AK4: variants seen among roughly 807,000 people sequenced by gnomAD.
The protein encoded by AK4 is adenylate kinase 4.
In AK4, 13 loss-of-function variants were observed where a neutral mutation model predicts 24.6. That is an observed-to-expected ratio of 0.53 (90% CI 0.34 to 0.84). AK4 has a LOEUF of 0.84. AK4 is among the 40% of genes least tolerant of loss of function. The pLI, the probability that AK4 is intolerant of heterozygous loss-of-function variation, is 0.01. For missense variants in AK4, 192 were observed against 288.2 expected, an observed-to-expected ratio of 0.67 and a Z score of 2.42; for synonymous variants, 88 against 107.0, an observed-to-expected ratio of 0.82 and a Z score of 1.10.
At chr1:65,219,029 A>G (rs1231419772) in intron 3 of AK4, 103 bp downstream of exon 3, 1 of 833,666 alleles carries the variant, frequency 1.2e-6, no homozygotes, top group Non-Finnish European at 1.7e-6. Context: ...AAAAAAGAAC[A>G]AATCTACATG....
rs72926154 is a variant in AK4, at chr1:65,157,040, T to C, written c.145+8488T>C. On this transcript the variant is annotated intron_variant, in intron 1 of 4. Transcript: ENST00000327299. ...TGTGAAAATTAACTATTTTCCAAAA[T>C]GAAATCTAATGAGAAAAGTACTGTT... Among the ~76,000 whole-genome samples, 1,024 of 152,292 alleles carry C rather than the reference T, an allele frequency of 6.7e-3. 9 individuals are homozygous for C. The highest frequency in any genetic ancestry group is 0.024 in the African/African-American group (987 of 41,556).
intron 1 of AK4, among the ~76,000 whole-genome samples, chr1:65,167,280 T>G (rs147839295): frequency 1.3e-5 from 2 of 152,360 alleles, no homozygotes; most frequent in African/African-American, 4.8e-5. Flanking sequence ...TCTGCTTTGT[T>G]TTTTGAACTC....
At chr1:65,179,263 G>T (rs910322599) in intron 1 of AK4, among the ~76,000 whole-genome samples, 2 of 152,116 alleles carry the variant, frequency 1.3e-5, no homozygotes, top group African/African-American at 4.8e-5. Flanking sequence ...TTTTATACAG[G>T]TGCTAGTGTC....
intron 1 of AK4, among the ~76,000 whole-genome samples, chr1:65,166,419 A>G (rs775725111): frequency 2.6e-5 from 4 of 151,162 alleles, no homozygotes; most frequent in South Asian, 4.2e-4. Flanking sequence ...CTGTCCTTCT[A>G]TTTTCCCTTG....
At chr1:65,174,957 T>A (rs967494042) in intron 1 of AK4, among the ~76,000 whole-genome samples, 41 of 152,274 alleles carry the variant, frequency 2.7e-4, no homozygotes, top group African/African-American at 9.9e-4. Context: ...TATGGATATC[T>A]ATTTTTAATG....
chr1:65,148,520 A>G lies in AK4; in HGVS notation c.113A>G (p.His38Arg). Reference sequence around the variant, plus strand: ...GGTCTCCAGCATCTCTCCAGCGGCCACTTCTTGCGGGAGAACATCAAGGCC... The same window carrying G: ...GGTCTCCAGCATCTCTCCAGCGGCCGCTTCTTGCGGGAGAACATCAAGGCC... ...NFGLQHLSSG[H>R]FLRENIKAST... Residue 38 changes from histidine (H) to arginine (R), a missense_variant, in exon 1 of 5, where the codon CAC (histidine) becomes CGC (arginine). His to Arg is a conservative substitution (Grantham distance 29). Coordinates refer to ENST00000327299, the MANE Select transcript of AK4 (RefSeq NM_013410.4). The G allele has an allele frequency of 6.3e-7, 1 of 1,599,734 alleles. No homozygotes were observed. The highest frequency in any genetic ancestry group is 8.5e-7 in the Non-Finnish European group (1 of 1,173,312).
chr1:65,201,970 A>T (rs976164712), intron 2 of AK4, among the ~76,000 whole-genome samples: 1 of 152,246 alleles, frequency 6.6e-6, no homozygotes, highest in African/African-American at 2.4e-5. Context: ...ACCTTTCATG[A>T]AATTTAGAAA....
At chr1:65,182,301 GGTGTGTTCA>G (rs1327519718) in intron 1 of AK4, among the ~76,000 whole-genome samples, 2 of 152,092 alleles carry the variant, frequency 1.3e-5, no homozygotes, top group African/African-American at 4.8e-5. Flanking sequence ...TTGGAGAAGT[GGTGTGTTCA>G]GAGAATTTTC....
At chr1:65,192,440 A>T (rs373664718) in intron 2 of AK4, among the ~76,000 whole-genome samples, 3 of 152,236 alleles carry the variant, frequency 2.0e-5, no homozygotes, top group Non-Finnish European at 4.4e-5. Context: ...TCCATCTCCC[A>T]TAACATTTCA....
chr1:65,185,157 G>A (rs926593515), intron 1 of AK4, among the ~76,000 whole-genome samples: 4 of 151,960 alleles, frequency 2.6e-5, no homozygotes, highest in African/African-American at 7.3e-5. Context: ...GATTATTATC[G>A]CAGCCTCCTT....
chr1:65,221,489 G>A (rs1652292189), intron 3 of AK4, among the ~76,000 whole-genome samples: 1 of 152,198 alleles, frequency 6.6e-6, no homozygotes, highest in Admixed American at 6.5e-5. Context: ...CAAGGCTGTA[G>A]TGAGCTGTGA....
At chr1:65,224,175 T>A (rs986706926) in intron 3 of AK4, among the ~76,000 whole-genome samples, 1 of 152,126 alleles carries the variant, frequency 6.6e-6, no homozygotes, top group Non-Finnish European at 1.5e-5. Context: ...TCACTTCAGT[T>A]TTTTTTCCCT....
At chr1:65,209,917 C>T (rs1651920419) in intron 2 of AK4, among the ~76,000 whole-genome samples, 2 of 152,114 alleles carry the variant, frequency 1.3e-5, no homozygotes, top group African/African-American at 4.8e-5. Flanking sequence ...AAGCGATCCT[C>T]CTGCCTCAGC....
intron 1 of AK4, among the ~76,000 whole-genome samples, chr1:65,177,785 G>T (rs1231327291): frequency 6.6e-6 from 1 of 152,146 alleles, no homozygotes; most frequent in Non-Finnish European, 1.5e-5. Flanking sequence ...GCACCAATTT[G>T]TGTAGACTGA....
At chr1:65,173,668 C>T (rs1650615766) in intron 1 of AK4, among the ~76,000 whole-genome samples, 1 of 152,076 alleles carries the variant, frequency 6.6e-6, no homozygotes, top group African/African-American at 2.4e-5. Context: ...GGAGTTCGAG[C>T]CTGGGCGGCA....
At chr1:65,184,397 C>G (rs1651017407) in intron 1 of AK4, among the ~76,000 whole-genome samples, 1 of 152,106 alleles carries the variant, frequency 6.6e-6, no homozygotes, top group Non-Finnish European at 1.5e-5. Context: ...TTTGTTTAAT[C>G]TTATAAACAC....
chr1:65,170,335 C>T (rs1650470877), intron 1 of AK4, among the ~76,000 whole-genome samples: 1 of 152,066 alleles, frequency 6.6e-6, no homozygotes, highest in African/African-American at 2.4e-5. Flanking sequence ...GCCACTGCAC[C>T]CCAGTCTGGG....
intron 1 of AK4, among the ~76,000 whole-genome samples, chr1:65,153,380 T>G (rs527655683): frequency 6.6e-6 from 1 of 152,232 alleles, no homozygotes; most frequent in African/African-American, 2.4e-5. Flanking sequence ...AGTGATTGTC[T>G]TACCTCAGCC....
At chr1:65,207,092 TGG>T (rs1651834426) in intron 2 of AK4, among the ~76,000 whole-genome samples, 2 of 152,238 alleles carry the variant, frequency 1.3e-5, no homozygotes, top group Non-Finnish European at 2.9e-5. Flanking sequence ...TGCACACTTG[TGG>T]TTTAAAACCA....
Sources: gnomAD v4.1 joint callset for allele counts (sites outside exome capture counted in the v4.1 genomes callset) on GRCh38, gnomAD v4.1.1 for gene constraint, MANE v1.5 for transcripts, NCBI Gene and HGNC (gene_info 2026-07-23, HGNC 2026-07-21) for gene names.